The following CLNK variants were observed in gnomAD, a reference collection of about 807,000 sequenced individuals.
CLNK encodes the protein cytokine-dependent hematopoietic cell linker.
Under a neutral mutation model 68.6 loss-of-function variants are expected in CLNK, and 74 were observed. The observed-to-expected ratio is 1.08, with a 90% CI of 0.89 to 1.31. The LOEUF (loss-of-function observed/expected upper bound fraction) is 1.31, where lower values mean the gene tolerates loss of function less well. Among genes scored for constraint, CLNK ranks in the 50% most tolerant of loss-of-function variants. CLNK has a pLI of 0.00. For synonymous variants in CLNK, 198 were observed against 172.2 expected (o/e 1.15, Z -1.17); for missense variants, 553 against 515.3 (o/e 1.07, Z -0.71).
intron 17 of CLNK, 120 bp downstream of exon 17, chr4:10,507,839 C>T: frequency 2.8e-6 from 2 of 721,224 alleles, no homozygotes; most frequent in Non-Finnish European, 4.6e-6. Context: ...CTGAGAAATG[C>T]AGGGTGATGC....
chr4:10,680,438 A>C (rs370598586), intron 1 of CLNK, among the ~76,000 whole-genome samples: 306 of 151,978 alleles, frequency 2.0e-3, no homozygotes, highest in South Asian at 5.4e-3. Flanking sequence ...TAATGGGTGC[A>C]GCACACCAAC....
At chr4:10,637,143 A>G (rs1416168680) in intron 2 of CLNK, among the ~76,000 whole-genome samples, 1 of 152,216 alleles carries the variant, frequency 6.6e-6, no homozygotes, top group Non-Finnish European at 1.5e-5. Context: ...GTTGCTCATC[A>G]AAGACATTTA....
At chr4:10,684,987 G>A (rs565968280), upstream of CLNK, 2 of 152,188 alleles carry the variant, frequency 1.3e-5, no homozygotes, top group South Asian at 2.1e-4. Context: ...AAAGACACAC[G>A]GTGTCCTTAT....
chr4:10,547,515 A>G (rs1719280133), intron 8 of CLNK, among the ~76,000 whole-genome samples: 1 of 152,102 alleles, frequency 6.6e-6, no homozygotes, highest in Admixed American at 6.5e-5. Flanking sequence ...CATAATATCT[A>G]TCCTCTTAGC....
intron 2 of CLNK, among the ~76,000 whole-genome samples, chr4:10,643,353 G>A (rs1447487890): frequency 2.6e-5 from 4 of 152,228 alleles, no homozygotes; most frequent in Non-Finnish European, 4.4e-5. Flanking sequence ...ACCGGGGTTG[G>A]TGTTATATAC....
At chr4:10,699,486 C>CTATATA in the CLNK span, among the ~76,000 whole-genome samples, 1 of 66,188 alleles carries the variant, frequency 1.5e-5, no homozygotes, top group Non-Finnish European at 2.8e-5. Context: ...CTCTCTCTCT[C>CTATATA]TCTCTCTCTA....
chr4:10,690,170 G>T, the CLNK span, among the ~76,000 whole-genome samples: 1 of 152,054 alleles, frequency 6.6e-6, no homozygotes, highest in African/African-American at 2.4e-5. Flanking sequence ...AAACACATCT[G>T]GTCAAGTCCG....
At chr4:10,679,748 CA>C (rs1044567214) in intron 1 of CLNK, among the ~76,000 whole-genome samples, 1 of 152,018 alleles carries the variant, frequency 6.6e-6, no homozygotes, top group African/African-American at 2.4e-5. Context: ...TTTATGCAGC[CA>C]AAAAACACAT....
chr4:10,625,065 C>T (rs949301318), intron 2 of CLNK, among the ~76,000 whole-genome samples: 2 of 152,152 alleles, frequency 1.3e-5, no homozygotes, highest in African/African-American at 4.8e-5. Flanking sequence ...AATGTGAACC[C>T]ATCTTTCATT....
At chr4:10,568,473 A>T (rs922845579) in intron 5 of CLNK, among the ~76,000 whole-genome samples, 1 of 152,226 alleles carries the variant, frequency 6.6e-6, no homozygotes, top group African/African-American at 2.4e-5. Context: ...AAACCATTAA[A>T]TTGTACTCAT....
At chr4:10,686,804 C>T (rs937308332), upstream of CLNK, among the ~76,000 whole-genome samples, 1 of 151,888 alleles carries the variant, frequency 6.6e-6, no homozygotes, top group African/African-American at 2.4e-5. Context: ...AATAAGAACC[C>T]AAGTCTAATG....
chr4:10,505,813 C>T (rs1262079492), intron 17 of CLNK, among the ~76,000 whole-genome samples: 1 of 152,190 alleles, frequency 6.6e-6, no homozygotes, highest in Non-Finnish European at 1.5e-5. Flanking sequence ...GTCCCCTTTT[C>T]TATGAAGGTG....
upstream of CLNK, among the ~76,000 whole-genome samples, chr4:10,688,449 G>C (rs1342064383): frequency 6.6e-6 from 1 of 152,142 alleles, no homozygotes; most frequent in Non-Finnish European, 1.5e-5. Flanking sequence ...GGAGGACCAT[G>C]GTGCCTGGAT....
chr4:10,516,831 G>A (rs1320165956), intron 15 of CLNK, among the ~76,000 whole-genome samples: 2 of 152,266 alleles, frequency 1.3e-5, no homozygotes, highest in African/African-American at 2.4e-5. Context: ...GATTATAGGC[G>A]TGAGCCACCA....
At position 10,582,218 on chromosome 4, in the gene CLNK, C is replaced by T. The variant is rs539928384; in HGVS notation, c.112+2709G>A. 2.2e-4 allele frequency among the ~76,000 whole-genome samples: 34 copies of T among 152,292 alleles called. 1 individual carries two copies. The highest frequency in any genetic ancestry group is 2.0e-3 in the Admixed American group (30 of 15,306). Reference sequence around the variant, plus strand: ...GGAGAGAACCAGGAGGATCCAGCCTCTGCTAAATTAATACAGGCATTGCAG... The same window carrying T: ...GGAGAGAACCAGGAGGATCCAGCCTTTGCTAAATTAATACAGGCATTGCAG... On this transcript the variant is annotated intron_variant, in intron 4 of 18. Transcript: ENST00000226951.
chr4:10,678,626 C>A (rs1168668269), intron 1 of CLNK, among the ~76,000 whole-genome samples: 1 of 151,918 alleles, frequency 6.6e-6, no homozygotes, highest in Non-Finnish European at 1.5e-5. Context: ...TCTAGAAAAC[C>A]CCATCATCTC....
chr4:10,636,271 T>C lies in CLNK; in HGVS notation c.11+31588A>G, dbSNP rs536860622. 8.5e-5 allele frequency among the ~76,000 whole-genome samples: 13 copies of C among 152,244 alleles called. No homozygotes were observed. The South Asian group carries it at 2.1e-3, about 24-fold the overall frequency. The stretch of plus-strand genomic sequence containing the variant: ...CTTTAATCCAATATGACTTGTATCT[T>C]TATAAGATGAGAACAGACACAGAGA... On this transcript the variant is annotated intron_variant, in intron 2 of 18. Coordinates refer to ENST00000226951, the MANE Select transcript of CLNK (RefSeq NM_052964.4).
chr4:10,669,682 C>G (rs1463683557), intron 1 of CLNK, among the ~76,000 whole-genome samples: 1 of 152,162 alleles, frequency 6.6e-6, no homozygotes, highest in Non-Finnish European at 1.5e-5. Flanking sequence ...ATACTCATAA[C>G]CCATACTAAA....
the CLNK span, among the ~76,000 whole-genome samples, chr4:10,701,682 T>G: frequency 6.6e-5 from 10 of 152,216 alleles, no homozygotes; most frequent in Non-Finnish European, 5.9e-5. Context: ...ATTTATTAGC[T>G]CATTTGATCC....
Sources: gnomAD v4.1 joint callset for allele counts (sites outside exome capture counted in the v4.1 genomes callset) on GRCh38, gnomAD v4.1.1 for gene constraint, MANE v1.5 for transcripts, NCBI Gene and HGNC (gene_info 2026-07-23, HGNC 2026-07-21) for gene names.